The following TEK variants were observed in gnomAD, a reference collection of about 807,000 sequenced individuals.
TEK encodes the protein angiopoietin-1 receptor.
In TEK, 43 loss-of-function variants were observed where a neutral mutation model predicts 131.8. That is an observed-to-expected ratio of 0.33 (90% CI 0.26 to 0.42). The LOEUF (loss-of-function observed/expected upper bound fraction) is 0.42. Among genes scored for constraint, TEK ranks in the 10% least tolerant of loss-of-function variants. The pLI is 1.00. For missense variants in TEK, 1,162 were observed against 1,384.4 expected, an observed-to-expected ratio of 0.84 and a Z score of 2.55; for synonymous variants, 580 against 491.6, an observed-to-expected ratio of 1.18 and a Z score of -2.38.
chr9:27,202,107 C>G (rs1417805638), intron 12 of TEK, among the ~76,000 whole-genome samples: 1 of 152,194 alleles, frequency 6.6e-6, no homozygotes, highest in East Asian at 1.9e-4. Context: ...TGTAGTGATG[C>G]TGCGGTGCCT....
rs550587484 is a variant in TEK at position 27,204,995 on chromosome 9, C to T, written c.2294C>T (p.Ala765Val). ...ATGACCTGCCTGACTGTGCTGTTGGCCTTTCTGATCATATTGCAATTGAAG... is the reference window on the plus strand; with the variant it reads ...ATGACCTGCCTGACTGTGCTGTTGGTCTTTCTGATCATATTGCAATTGAAG... ...AGMTCLTVLL[A>V]FLIILQLKRA... Residue 765 changes from alanine (A) to valine (V), a missense_variant, in exon 14 of 23, where the codon GCC becomes GTC. Physicochemically the swap from Ala to Val is moderately conservative, Grantham distance 64. Around this residue, in one of 6 missense-constraint regions of TEK, gnomAD observed 477 missense variants for 471.0 expected, o/e 1.01. Coordinates refer to ENST00000380036, the MANE Select transcript of TEK (RefSeq NM_000459.5). 6.2e-7 allele frequency: 1 copy of T among 1,614,000 alleles called. No homozygotes were observed. Among genetic ancestry groups the T allele is most frequent in the African/African-American group, 1.3e-5 (1 of 75,018 alleles).
At chr9:27,207,152 C>A (rs1293039659) in intron 15 of TEK, among the ~76,000 whole-genome samples, 1 of 152,212 alleles carries the variant, frequency 6.6e-6, no homozygotes, top group Non-Finnish European at 1.5e-5. Flanking sequence ...GGCTGTTGGG[C>A]CCTACCCCAC....
intron 1 of TEK, among the ~76,000 whole-genome samples, chr9:27,113,242 A>G (rs967182752): frequency 2.6e-5 from 4 of 152,348 alleles, no homozygotes; most frequent in African/African-American, 7.2e-5. Context: ...GGTTGTGATG[A>G]GAATCAAATG....
chr9:27,180,494 A>G, intron 7 of TEK, 126 bp downstream of exon 7: 1 of 1,367,312 alleles, frequency 7.3e-7, no homozygotes. Flanking sequence ...AGAAGTTGGG[A>G]ATAGTTTATC....
chr9:27,158,731 C>A (rs888675102), intron 2 of TEK, among the ~76,000 whole-genome samples: 1 of 149,474 alleles, frequency 6.7e-6, no homozygotes, highest in African/African-American at 2.5e-5. Context: ...ATGATTTTGG[C>A]TCACTGCAAC....
chr9:27,185,715 C>T, intron 9 of TEK, 86 bp downstream of exon 9: 5 of 1,537,770 alleles, frequency 3.3e-6, no homozygotes, highest in Non-Finnish European at 4.5e-6. Flanking sequence ...TGTATGCGAC[C>T]ACTAAAATAC....
At chr9:27,192,391 A>G in intron 10 of TEK, 98 bp from the exon 11 acceptor site, 2 of 1,470,418 alleles carry the variant, frequency 1.4e-6, no homozygotes, top group South Asian at 1.1e-5. Context: ...CGTAGTTTTG[A>G]AAACCTAAAA....
intron 21 of TEK, among the ~76,000 whole-genome samples, chr9:27,221,504 G>C (rs1041267008): frequency 6.6e-6 from 1 of 152,074 alleles, no homozygotes; most frequent in African/African-American, 2.4e-5. Context: ...AGTAGGGGTC[G>C]ACAGGACATC....
At chr9:27,224,783 A>T (rs956585760) in intron 21 of TEK, among the ~76,000 whole-genome samples, 17 of 152,142 alleles carry the variant, frequency 1.1e-4, no homozygotes, top group Admixed American at 6.6e-4. Flanking sequence ...AAAGAAAGAA[A>T]GGGCATTCAA....
chr9:27,168,045 C>A (rs1027877172), intron 2 of TEK, among the ~76,000 whole-genome samples: 1 of 152,084 alleles, frequency 6.6e-6, no homozygotes, highest in African/African-American at 2.4e-5. Context: ...CAATTTGATG[C>A]TCAAAGGAAA....
intron 16 of TEK, among the ~76,000 whole-genome samples, chr9:27,209,581 C>A (rs1416451058): frequency 6.6e-6 from 1 of 152,140 alleles, no homozygotes; most frequent in Non-Finnish European, 1.5e-5. Context: ...AATTGCCTAC[C>A]TTTACATTTT....
At chr9:27,208,799 G>T (rs1389005958) in intron 15 of TEK, among the ~76,000 whole-genome samples, 1 of 152,200 alleles carries the variant, frequency 6.6e-6, no homozygotes, top group African/African-American at 2.4e-5. Flanking sequence ...TAGAGTAGTG[G>T]TTCTCATCCA....
intron 1 of TEK, among the ~76,000 whole-genome samples, chr9:27,122,002 G>A (rs1821811571): frequency 6.6e-6 from 1 of 152,202 alleles, no homozygotes; most frequent in South Asian, 2.1e-4. Context: ...CAGGAAACCT[G>A]GAAAGTGGGT....
In TEK at chr9:27,199,991, G is replaced by A. The variant is rs75729889; in HGVS notation, c.1909+2392G>A. Reference sequence around the variant, plus strand: ...CCTAGTAGTTCTAGTGTTGTTTTGTGTATTTAGGTCTTTAAGATATAAAAA... The same window carrying A: ...CCTAGTAGTTCTAGTGTTGTTTTGTATATTTAGGTCTTTAAGATATAAAAA... On this transcript the variant is annotated intron_variant, in intron 12 of 22. Transcript: ENST00000380036. 4.2e-3 allele frequency among the ~76,000 whole-genome samples: 639 copies of A among 152,176 alleles called. 7 individuals are homozygous for A. Among genetic ancestry groups the A allele is most frequent in the African/African-American group, 0.015 (611 of 41,514 alleles).
chr9:27,151,382 G>A (rs1201838868), intron 1 of TEK, among the ~76,000 whole-genome samples: 1 of 152,092 alleles, frequency 6.6e-6, no homozygotes. Context: ...GAAATTAATA[G>A]CAACTTTAAG....
At chr9:27,145,146 C>T (rs949933807) in intron 1 of TEK, among the ~76,000 whole-genome samples, 1 of 152,156 alleles carries the variant, frequency 6.6e-6, no homozygotes, top group East Asian at 1.9e-4. Context: ...CCAAATAGCC[C>T]CCTGATCTCC....
rs1825690007 is a variant in TEK, at chr9:27,212,969, G to C, written c.2877+72G>C. On this transcript the variant is annotated intron_variant, in intron 17 of 22. Transcript: ENST00000380036. ...CTCTAAAGTCAGTTTCAATATGTTTGTAGGGTCTGTCAACCTCTCTTCTTT... is the reference window on the plus strand; with the variant it reads ...CTCTAAAGTCAGTTTCAATATGTTTCTAGGGTCTGTCAACCTCTCTTCTTT... 3.3e-6 allele frequency: 5 copies of C among 1,502,210 alleles called. No individual in the cohort carries two copies. The Admixed American group carries it at 7.4e-5, about 22-fold the overall frequency. 93.1% of individuals were successfully genotyped at this position (1,502,210 alleles called of 1,614,324 possible).
At chr9:27,120,705 C>G (rs1821752772) in intron 1 of TEK, among the ~76,000 whole-genome samples, 1 of 152,214 alleles carries the variant, frequency 6.6e-6, no homozygotes, top group African/African-American at 2.4e-5. Context: ...AAGAACCTAG[C>G]AGGTTACCAT....
chr9:27,164,414 G>A (rs1823652986), intron 2 of TEK, among the ~76,000 whole-genome samples: 1 of 151,560 alleles, frequency 6.6e-6, no homozygotes, highest in Non-Finnish European at 1.5e-5. Flanking sequence ...CCGCCTCCTG[G>A]GTTCACGCCA....
Sources: gnomAD v4.1 joint callset for allele counts (sites outside exome capture counted in the v4.1 genomes callset) on GRCh38, gnomAD v4.1.1 for gene constraint, gnomAD v4.1.1 regional missense constraint, MANE v1.5 for transcripts, NCBI Gene and HGNC (gene_info 2026-07-23, HGNC 2026-07-21) for gene names.